The following CACNA1A variants were observed in gnomAD, a reference collection of about 807,000 sequenced individuals.
CACNA1A encodes calcium voltage-gated channel subunit alpha1 A, also known as voltage-dependent P/Q-type calcium channel subunit alpha-1A.
CACNA1A carries 57 observed loss-of-function variants against 262.4 expected under a neutral mutation model. The ratio of observed to expected loss-of-function variants is 0.22; its 90% CI spans 0.18 to 0.27. The LOEUF is 0.27. Among genes scored for constraint, CACNA1A ranks in the 10% least tolerant of loss-of-function variants. The pLI, the probability that CACNA1A is intolerant of heterozygous loss-of-function variation, is 1.00. For missense variants in CACNA1A, 2,526 were observed against 3,562.8 expected, an observed-to-expected ratio of 0.71 and a Z score of 7.41; for synonymous variants, 1,431 against 1,419.3, an observed-to-expected ratio of 1.01 and a Z score of -0.18.
chr19:13,289,325 T>C (rs919432153), intron 19 of CACNA1A, among the ~76,000 whole-genome samples: 1 of 151,860 alleles, frequency 6.6e-6, no homozygotes, highest in African/African-American at 2.4e-5. Flanking sequence ...AATTTTTCTT[T>C]TTGTAGAGAT....
At chr19:13,269,958 T>C (rs2056974637) in intron 24 of CACNA1A, among the ~76,000 whole-genome samples, 1 of 152,106 alleles carries the variant, frequency 6.6e-6, no homozygotes, top group Non-Finnish European at 1.5e-5. Flanking sequence ...AATGGCAAGG[T>C]TCCTTTCAAC....
chr19:13,313,460 ACC>A (rs1245604224), intron 11 of CACNA1A, among the ~76,000 whole-genome samples: 1 of 136,196 alleles, frequency 7.3e-6, no homozygotes, highest in Non-Finnish European at 1.5e-5. Flanking sequence ...AGATTGGGCC[ACC>A]CTACTGTAGC....
At position 13,208,881 on chromosome 19, in the gene CACNA1A, G is replaced by T. The variant is rs1307304917; in HGVS notation, c.6655C>A (p.His2219Asn). The T allele has an allele frequency of 1.6e-6, 2 of 1,262,620 alleles. No homozygotes were observed. The highest frequency in any genetic ancestry group is 2.2e-6 in the Non-Finnish European group (2 of 922,106). 78.2% of individuals were successfully genotyped at this position (1,262,620 alleles called of 1,614,324 possible). ...CGGTCCTTGTCGGGGGGCGGGGGAT[G>T]GTGGTGGTGGTGGTGGTGGTGGTGG... ...QHHHHHHHHH[H>N]PPPPDKDRYA... The change falls in exon 46 of 47, where the codon CAT becomes AAT. Residue 2219 changes from histidine (H) to asparagine (N), a missense_variant. Coordinates refer to ENST00000360228, the MANE Select transcript of CACNA1A (RefSeq NM_001127222.2).
intron 3 of CACNA1A, among the ~76,000 whole-genome samples, chr19:13,383,270 A>G (rs1469755396): frequency 6.6e-6 from 1 of 152,186 alleles, no homozygotes; most frequent in Non-Finnish European, 1.5e-5. Context: ...AGGGCTTCCA[A>G]TGGAAAGACT....
chr19:13,387,017 T>A (rs2144632637), intron 3 of CACNA1A, among the ~76,000 whole-genome samples: 1 of 151,886 alleles, frequency 6.6e-6, no homozygotes, highest in East Asian at 2.0e-4. Flanking sequence ...AGTGGTGCAA[T>A]CTGGGCTCAC....
intron 29 of CACNA1A, among the ~76,000 whole-genome samples, chr19:13,253,825 C>T (rs1381575746): frequency 6.6e-6 from 1 of 152,026 alleles, no homozygotes; most frequent in Non-Finnish European, 1.5e-5. Context: ...CTGCAACTTC[C>T]GCCCCCTGGG....
chr19:13,217,556 G>A (rs17706888), intron 38 of CACNA1A, among the ~76,000 whole-genome samples: 1,727 of 152,264 alleles, frequency 0.011, 11 homozygotes, highest in Non-Finnish European at 0.015. Flanking sequence ...TGGAACTCCA[G>A]GATGAGGCCT....
chr19:13,281,345 C>T (rs1413248680), intron 22 of CACNA1A, among the ~76,000 whole-genome samples: 2 of 149,776 alleles, frequency 1.3e-5, no homozygotes, highest in African/African-American at 5.0e-5. Flanking sequence ...GTTACTGCAC[C>T]CCAACCTGGG....
At position 13,207,321 on chromosome 19, in the gene CACNA1A, A is replaced by G; in HGVS notation, c.7513T>C (p.Trp2505Arg). The change falls in exon 47 of 47, where the codon TGG becomes CGG. Residue 2505 changes from tryptophan (W) to arginine (R), a missense_variant. Coordinates refer to ENST00000360228, the MANE Select transcript of CACNA1A (RefSeq NM_001127222.2). The surrounding 1 kb of genome is among the most constrained non-coding windows in gnomAD (Gnocchi z 5.7). ...HEPYSESDDD[W>R]C is the part of the protein sequence containing the mutation. ...CGCCACCTCGCCCGGGCTTAGCACCAATCATCGTCACTCTCGCTGTAGGGT... is the reference window on the plus strand; with the variant it reads ...CGCCACCTCGCCCGGGCTTAGCACCGATCATCGTCACTCTCGCTGTAGGGT... The G allele has an allele frequency of 6.4e-7, 1 of 1,559,270 alleles. No homozygotes were observed. Among genetic ancestry groups the G allele is most frequent in the Non-Finnish European group, 8.6e-7 (1 of 1,160,044 alleles).
In CACNA1A at chr19:13,303,532, C is replaced by T. The variant is rs1195908031; in HGVS notation, c.2172+14G>A. 9 of 1,486,116 alleles carry T rather than the reference C, an allele frequency of 6.1e-6. No homozygotes were observed. In the East Asian group the frequency reaches 8.6e-5, roughly 14 times the overall value. The allele number at this position is 1,486,116 out of a possible 1,614,324, so 92.1% of individuals were successfully genotyped here. A position where few individuals can be genotyped will look rare whatever the true frequency, so the allele number is the denominator to read the frequency against. On this transcript the variant is annotated intron_variant, in intron 17 of 46. Transcript: ENST00000360228. ...GGTAACTTTGCCAGAGAAACATTCT[C>T]CCACCGCCTCCACCTTGGTGAGCTC...
intron 3 of CACNA1A, among the ~76,000 whole-genome samples, chr19:13,449,380 G>A (rs554886084): frequency 1.4e-4 from 22 of 151,746 alleles, no homozygotes; most frequent in South Asian, 6.3e-4. Flanking sequence ...TCACTACAGC[G>A]TCGACCTTAT....
At chr19:13,459,589 T>C (rs931479007) in intron 1 of CACNA1A, among the ~76,000 whole-genome samples, 1 of 152,216 alleles carries the variant, frequency 6.6e-6, no homozygotes, top group African/African-American at 2.4e-5. Flanking sequence ...TACTCCACTC[T>C]GCCTCACCCT....
At chr19:13,498,373 T>C (rs1433733527) in intron 1 of CACNA1A, among the ~76,000 whole-genome samples, 2 of 152,094 alleles carry the variant, frequency 1.3e-5, no homozygotes, top group Non-Finnish European at 2.9e-5. Context: ...CACATAGGCC[T>C]AAAATGAGAA....
At chr19:13,495,240 T>C (rs1981358200) in intron 1 of CACNA1A, among the ~76,000 whole-genome samples, 1 of 152,184 alleles carries the variant, frequency 6.6e-6, no homozygotes, top group African/African-American at 2.4e-5. Flanking sequence ...CAAATCACTG[T>C]CCCCTACCCT....
At chr19:13,464,660 T>C (rs1207058296) in intron 1 of CACNA1A, among the ~76,000 whole-genome samples, 2 of 151,378 alleles carry the variant, frequency 1.3e-5, no homozygotes, top group Non-Finnish European at 2.9e-5. Context: ...GCCATTCTCC[T>C]GCCTCAGCCT....
intron 4 of CACNA1A, among the ~76,000 whole-genome samples, chr19:13,369,061 A>G (rs1317708669): frequency 6.7e-6 from 1 of 148,414 alleles, no homozygotes; most frequent in African/African-American, 2.5e-5. Context: ...AAAAAAAAAA[A>G]TGTAATGTGG....
chr19:13,480,446 A>G (rs1366268744), intron 1 of CACNA1A, among the ~76,000 whole-genome samples: 1 of 152,246 alleles, frequency 6.6e-6, no homozygotes, highest in African/African-American at 2.4e-5. Context: ...CATATAACAT[A>G]TAAAATCTGT....
intron 4 of CACNA1A, chr19:13,365,742 A>G: frequency 3.3e-6 from 1 of 306,306 alleles, no homozygotes; most frequent in South Asian, 6.6e-5. Flanking sequence ...ATCACAGCTC[A>G]CTGCAGCCTC....
Position 13,449,298 on chromosome 19 carries a change from A to G in CACNA1A, c.539+3578T>C, listed in dbSNP as rs578134039. ...TAAAAAAACAAAAAAACAAAAAACA[A>G]CAACAACAACAAAAAACATTTTTTA... On this transcript the variant is annotated intron_variant, in intron 3 of 46. Transcript: ENST00000360228. 4.6e-5 allele frequency among the ~76,000 whole-genome samples: 7 copies of G among 151,888 alleles called. No homozygotes were observed. The South Asian group carries it at 1.5e-3, about 32-fold the overall frequency.
Sources: allele counts gnomAD v4.1 joint callset (sites outside exome capture counted in the v4.1 genomes callset), GRCh38; gene constraint gnomAD v4.1.1; non-coding constraint Gnocchi (gnomAD v3.1); transcripts MANE v1.5; gene names NCBI Gene and HGNC (gene_info 2026-07-23, HGNC 2026-07-21).